KANSL2: variants seen among roughly 807,000 people sequenced by gnomAD.
KANSL2 encodes the protein KAT8 regulatory NSL complex subunit 2.
Under a neutral mutation model 55.6 loss-of-function variants are expected in KANSL2, and 34 were observed. That is an observed-to-expected ratio of 0.61 (90% CI 0.46 to 0.81). KANSL2 has a LOEUF of 0.81. Ranked by LOEUF, KANSL2 falls within the 40% of genes least tolerant of loss-of-function variation. The probability of loss-of-function intolerance (pLI) is 0.00; values close to 1 mark genes in which losing one functional copy is unlikely to be tolerated. For missense variants in KANSL2, 502 were observed against 609.9 expected (o/e 0.82, Z 1.86); for synonymous variants, 209 against 214.3 (o/e 0.98, Z 0.22).
intron 6 of KANSL2, among the ~76,000 whole-genome samples, chr12:48,668,471 A>C (rs1939642795): frequency 6.6e-6 from 1 of 152,230 alleles, no homozygotes; most frequent in African/African-American, 2.4e-5. Flanking sequence ...GTCAGATTTC[A>C]GATCCAAGAC....
At chr12:48,661,174 C>G in intron 7 of KANSL2, 1 of 866,992 alleles carries the variant, frequency 1.2e-6, no homozygotes. Flanking sequence ...CATATCCTAA[C>G]AAGAAATTAA....
chr12:48,673,822 A>G (rs1188444966), intron 4 of KANSL2, among the ~76,000 whole-genome samples: 5 of 151,864 alleles, frequency 3.3e-5, no homozygotes, highest in Admixed American at 6.6e-5. Flanking sequence ...ACGGTGGTGT[A>G]TACCTGTAGT....
chr12:48,660,846 C>T (rs962825616), intron 7 of KANSL2, among the ~76,000 whole-genome samples: 6 of 152,098 alleles, frequency 3.9e-5, no homozygotes, highest in Non-Finnish European at 7.4e-5. Flanking sequence ...AAAACTTGTC[C>T]CCAACCTCCT....
chr12:48,663,379 T>G (rs182085420), intron 7 of KANSL2, among the ~76,000 whole-genome samples: 185 of 152,182 alleles, frequency 1.2e-3, no homozygotes, highest in Non-Finnish European at 2.4e-3. Context: ...TTTTGAAAAA[T>G]TGTATATTTT....
Position 48,682,185 on chromosome 12 carries a change from A to G in KANSL2, c.-10+2T>C, listed in dbSNP as rs1414098080. 7 of 690,528 alleles carry G rather than the reference A, an allele frequency of 1.0e-5. No homozygotes were observed. The highest frequency in any genetic ancestry group is 1.9e-5 in the Non-Finnish European group (7 of 378,310). The allele number at this position is 690,528 out of a possible 1,614,324, so 42.8% of individuals were successfully genotyped here. On this transcript the variant is annotated splice_donor_variant, in intron 1 of 9. Transcript: ENST00000420613. LOFTEE classifies it low-confidence loss of function (5UTR_SPLICE). ...TTAGAGGAAAGAGCACCGCCATCTT[A>G]CCTCAGGAGCTGCGCTGCGCCGCAC...
Position 48,653,889 on chromosome 12 carries a change from T to G in KANSL2, c.*155A>C. The G allele has an allele frequency of 1.6e-6, 1 of 631,376 alleles. No homozygotes were observed. Among genetic ancestry groups the G allele is most frequent in the Non-Finnish European group, 2.5e-6 (1 of 393,082 alleles). 39.1% of individuals were successfully genotyped at this position (631,376 alleles called of 1,614,324 possible). A position where few individuals can be genotyped will look rare whatever the true frequency, so the allele number is the denominator to read the frequency against. ...AGTGGGAAGAAACCCACGGTCCACGTCCTCAAAATTTGGCTTTACGTTTGA... is the reference window on the plus strand; with the variant it reads ...AGTGGGAAGAAACCCACGGTCCACGGCCTCAAAATTTGGCTTTACGTTTGA... On this transcript the variant is annotated 3_prime_UTR_variant, in exon 10 of 10. Coordinates refer to ENST00000420613, the MANE Select transcript of KANSL2 (RefSeq NM_017822.4).
rs1314574852 is a variant in KANSL2 at position 48,682,214 on chromosome 12, G to C, written c.-37C>G. 1.1e-5 allele frequency: 7 copies of C among 650,852 alleles called. No homozygotes were observed. Among genetic ancestry groups the C allele is most frequent in the Non-Finnish European group, 1.9e-5 (7 of 359,432 alleles). 40.3% of individuals were successfully genotyped at this position (650,852 alleles called of 1,614,324 possible). On this transcript the variant is annotated 5_prime_UTR_variant, in exon 1 of 10. Coordinates refer to ENST00000420613, the MANE Select transcript of KANSL2 (RefSeq NM_017822.4). ...CAGGAGCTGCGCTGCGCCGCACTCT[G>C]CCGCGCCGCTCGCCCTTCTCTAGTG... is the stretch of plus-strand genomic sequence containing the variant.
At chr12:48,658,217 C>T (rs1248863702) in intron 8 of KANSL2, among the ~76,000 whole-genome samples, 1 of 151,868 alleles carries the variant, frequency 6.6e-6, no homozygotes, top group Non-Finnish European at 1.5e-5. Flanking sequence ...GGTGACAGAG[C>T]GAGACTCTGT....
intron 4 of KANSL2, among the ~76,000 whole-genome samples, chr12:48,675,360 C>A (rs941044737): frequency 1.3e-5 from 2 of 152,142 alleles, no homozygotes; most frequent in Non-Finnish European, 2.9e-5. Context: ...GAGCTGAGAT[C>A]GTGCCACTGC....
chr12:48,654,030 G>T lies in KANSL2; in HGVS notation c.*14C>A. ...AAATTTAAATCCACCAAAGTAAAAT[G>T]GTTCCCCAAACTATCAACTAATAGA... On this transcript the variant is annotated 3_prime_UTR_variant, in exon 10 of 10. Transcript: ENST00000420613. 6.4e-7 allele frequency: 1 copy of T among 1,562,902 alleles called. No homozygotes were observed.
At chr12:48,666,110 TG>T in intron 7 of KANSL2, among the ~76,000 whole-genome samples, 1 of 151,886 alleles carries the variant, frequency 6.6e-6, no homozygotes, top group Non-Finnish European at 1.5e-5. Flanking sequence ...GCTACTCTGG[TG>T]GCTGAGGTGG....
In KANSL2 at chr12:48,667,626, GCA is replaced by G. The variant is rs1411171560; in HGVS notation, c.973+65_973+66del. 5.6e-6 allele frequency: 7 copies of G among 1,243,084 alleles called. No individual in the cohort carries two copies. The Admixed American group carries it at 8.4e-5, about 15-fold the overall frequency. The allele number at this position is 1,243,084 out of a possible 1,614,324, so 77.0% of individuals were successfully genotyped here. ...CAAAATCCTTCAATTAAGCAAACTA[GCA>G]CAGAGATTCCCACTAGTCTTCAAAC... On this transcript the variant is annotated intron_variant, in intron 7 of 9. Coordinates refer to ENST00000420613, the MANE Select transcript of KANSL2 (RefSeq NM_017822.4).
At chr12:48,654,606 T>C in intron 9 of KANSL2, 1 of 555,362 alleles carries the variant, frequency 1.8e-6, no homozygotes. Context: ...AGTGATGAAC[T>C]CTCCCTCAGA....
Position 48,660,636 on chromosome 12 carries a change from A to G in KANSL2, c.974-17T>C. 2 of 1,605,148 alleles carry G rather than the reference A, an allele frequency of 1.2e-6. No individual in the cohort carries two copies. Among genetic ancestry groups the G allele is most frequent in the Non-Finnish European group, 1.7e-6 (2 of 1,174,508 alleles). ...GACAAATATCTGTAGAAAAATGGTC[A>G]AGGGAAATAAAACACAATCTATCGA... On this transcript the variant is annotated splice_polypyrimidine_tract_variant and intron_variant, in intron 7 of 9. Coordinates refer to ENST00000420613, the MANE Select transcript of KANSL2 (RefSeq NM_017822.4).
At position 48,655,012 on chromosome 12, in the gene KANSL2, G is replaced by A. The variant is rs1939350501; in HGVS notation, c.1276C>T (p.Leu426Phe). 1 of 1,587,706 alleles carries A rather than the reference G, an allele frequency of 6.3e-7. No homozygotes were observed. The highest frequency in any genetic ancestry group is 8.6e-7 in the Non-Finnish European group (1 of 1,166,652). Residue 426 changes from leucine (L) to phenylalanine (F), a missense_variant, in exon 9 of 10, where the codon CTT (leucine) becomes TTT (phenylalanine). By Grantham distance (22) the Leu-to-Phe change is conservative. Transcript: ENST00000420613. ...TCAAGGGTTAGTGAAGGATCAAAAA[G>A]CAAAGGTGAAGGAGGACACTGCATA... ...DGMQCPPSPLLFDPSLTLEDH... is the reference protein window; with the variant it reads ...DGMQCPPSPLFFDPSLTLEDH...
At position 48,671,853 on chromosome 12, in the gene KANSL2, T is replaced by C; in HGVS notation, c.655A>G (p.Lys219Glu). The change falls in exon 5 of 10, where the codon AAG (lysine) becomes GAG (glutamate). Residue 219 changes from lysine (K) to glutamate (E), a missense_variant. Transcript: ENST00000420613. ...DQFKRLQHLL[K>E]EKKRRYLHNR... Reference sequence around the variant, plus strand: ...TGTAAGTATCGGCGCTTCTTCTCCTTGAGCAGATGCTGAAGTCGTTTAAAC... The same window carrying C: ...TGTAAGTATCGGCGCTTCTTCTCCTCGAGCAGATGCTGAAGTCGTTTAAAC... The C allele has an allele frequency of 6.2e-7, 1 of 1,613,526 alleles. No homozygotes were observed. Among genetic ancestry groups the C allele is most frequent in the Non-Finnish European group, 8.5e-7 (1 of 1,179,622 alleles).
At chr12:48,655,289 C>A (rs1389768838) in intron 8 of KANSL2, among the ~76,000 whole-genome samples, 1 of 152,084 alleles carries the variant, frequency 6.6e-6, no homozygotes, top group African/African-American at 2.4e-5. Context: ...GATTAAAAAA[C>A]AAAATTCTGG....
At chr12:48,668,894 C>T (rs184635320) in intron 6 of KANSL2, among the ~76,000 whole-genome samples, 90 of 151,740 alleles carry the variant, frequency 5.9e-4, no homozygotes, top group African/African-American at 2.1e-3. Flanking sequence ...ATTAGCTGGG[C>T]GCATGGTGGT....
chr12:48,660,260 A>G (rs1156877820), intron 8 of KANSL2, 106 bp downstream of exon 8: 2 of 1,190,934 alleles, frequency 1.7e-6, no homozygotes, highest in East Asian at 2.4e-5. Context: ...TATCACTTCA[A>G]AAACTTTGTC....
Sources: allele counts gnomAD v4.1 joint callset (sites outside exome capture counted in the v4.1 genomes callset), GRCh38; gene constraint gnomAD v4.1.1; transcripts MANE v1.5; gene names NCBI Gene and HGNC (gene_info 2026-07-23, HGNC 2026-07-21).